NEGR1: variants seen among roughly 807,000 people sequenced by gnomAD.
NEGR1 encodes the protein IgLON family member 4.
In NEGR1, 10 loss-of-function variants were observed where a neutral mutation model predicts 40.9. The observed-to-expected ratio is 0.24, with a 90% CI of 0.15 to 0.42. The LOEUF is 0.42. Ranked by LOEUF, NEGR1 falls within the 10% of genes least tolerant of loss-of-function variation. NEGR1 has a pLI of 1.00. For missense variants in NEGR1, 352 were observed against 438.9 expected (o/e 0.80, Z 1.77); for synonymous variants, 185 against 166.8 (o/e 1.11, Z -0.84).
chr1:72,168,910 A>C (rs2100390269), intron 1 of NEGR1, among the ~76,000 whole-genome samples: 1 of 152,192 alleles, frequency 6.6e-6, no homozygotes, highest in Admixed American at 6.6e-5. Flanking sequence ...CAAAAGAGAG[A>C]AAACAAACAA....
At chr1:71,712,268 C>T (rs980867275) in intron 3 of NEGR1, among the ~76,000 whole-genome samples, 10 of 152,166 alleles carry the variant, frequency 6.6e-5, no homozygotes, top group African/African-American at 2.2e-4. Context: ...TGAGGATGTG[C>T]ATCACATAGA....
At chr1:72,144,548 GAC>G (rs796074603) in intron 1 of NEGR1, among the ~76,000 whole-genome samples, 23 of 149,516 alleles carry the variant, frequency 1.5e-4, no homozygotes, top group Admixed American at 4.0e-4. Flanking sequence ...TGATTAGAGA[GAC>G]ATATATTTTA....
chr1:71,870,551 T>C (rs1478003772), intron 2 of NEGR1, among the ~76,000 whole-genome samples: 1 of 152,188 alleles, frequency 6.6e-6, no homozygotes, highest in African/African-American at 2.4e-5. Context: ...TTACTTGCAC[T>C]ACAATTACAG....
chr1:71,832,263 T>C (rs994570341), intron 2 of NEGR1, among the ~76,000 whole-genome samples: 11 of 151,956 alleles, frequency 7.2e-5, no homozygotes, highest in African/African-American at 2.4e-4. Context: ...AGAATCAACA[T>C]AGCACTATGA....
At chr1:71,994,344 C>T (rs1046945249) in intron 1 of NEGR1, among the ~76,000 whole-genome samples, 8 of 151,912 alleles carry the variant, frequency 5.3e-5, no homozygotes, top group East Asian at 1.9e-4. Flanking sequence ...CTGGCTAACA[C>T]GGTGAAACCC....
At chr1:72,134,520 T>C (rs1650377615) in intron 1 of NEGR1, among the ~76,000 whole-genome samples, 1 of 151,436 alleles carries the variant, frequency 6.6e-6, no homozygotes, top group African/African-American at 2.4e-5. Flanking sequence ...TGGGGAAATA[T>C]GAAAAATTTA....
At chr1:72,070,151 G>C (rs1647402446) in intron 1 of NEGR1, among the ~76,000 whole-genome samples, 1 of 151,820 alleles carries the variant, frequency 6.6e-6, no homozygotes. Flanking sequence ...TTATATCACT[G>C]AATTATATAA....
At chr1:72,156,052 A>G (rs940650213) in intron 1 of NEGR1, among the ~76,000 whole-genome samples, 3 of 152,192 alleles carry the variant, frequency 2.0e-5, no homozygotes, top group South Asian at 2.1e-4. Flanking sequence ...GATCTAAGCC[A>G]TAACATTTGA....
chr1:71,696,909 T>A (rs1653492587), intron 4 of NEGR1, among the ~76,000 whole-genome samples: 1 of 151,872 alleles, frequency 6.6e-6, no homozygotes, highest in Non-Finnish European at 1.5e-5. Flanking sequence ...GCCTCCTGAC[T>A]TGGTATCATG....
intron 4 of NEGR1, among the ~76,000 whole-genome samples, chr1:71,625,658 G>A (rs1349457983): frequency 6.6e-6 from 1 of 151,358 alleles, no homozygotes; most frequent in Non-Finnish European, 1.5e-5. Context: ...TGATATTTAT[G>A]TGTTATTTTT....
rs1006967553 is a variant in NEGR1 at position 72,056,242 on chromosome 1, T to C, written c.177-120931A>G. Among the ~76,000 whole-genome samples the C allele has an allele frequency of 2.6e-4, 39 of 151,436 alleles. 1 individual carries two copies. The highest frequency in any genetic ancestry group is 5.9e-5 in the Non-Finnish European group (4 of 67,502). ...AAAATTTTCTTTTTATCTTGGTGTG[T>C]CTCACCCAGTTCAGGAGAGAGGCTT... On this transcript the variant is annotated intron_variant, in intron 1 of 6. Transcript: ENST00000357731.
chr1:72,239,265 A>G (rs887792120), intron 1 of NEGR1, among the ~76,000 whole-genome samples: 4 of 151,852 alleles, frequency 2.6e-5, no homozygotes, highest in African/African-American at 7.2e-5. Flanking sequence ...ATCCCTAAGT[A>G]TATCAAACTG....
At chr1:72,209,059 T>C (rs1653506513) in intron 1 of NEGR1, among the ~76,000 whole-genome samples, 1 of 151,722 alleles carries the variant, frequency 6.6e-6, no homozygotes, top group African/African-American at 2.4e-5. Context: ...ATGTAATTAT[T>C]TTGAAGTAAC....
intron 4 of NEGR1, among the ~76,000 whole-genome samples, chr1:71,655,104 G>T (rs919919156): frequency 1.3e-5 from 2 of 152,132 alleles, no homozygotes; most frequent in African/African-American, 4.8e-5. Flanking sequence ...ATTTAAAGAA[G>T]AACTTATTAA....
chr1:71,910,699 T>C (rs1661400765), intron 2 of NEGR1, among the ~76,000 whole-genome samples: 1 of 152,060 alleles, frequency 6.6e-6, no homozygotes, highest in Admixed American at 6.5e-5. Context: ...TAGGTTTTTG[T>C]TTTTGTTTTT....
intron 1 of NEGR1, among the ~76,000 whole-genome samples, chr1:72,258,027 G>A (rs1357009182): frequency 6.6e-6 from 1 of 152,094 alleles, no homozygotes. Flanking sequence ...ATTGCCAAAA[G>A]GATCACAGAT....
chr1:71,949,015 T>TG (rs1250398326), intron 1 of NEGR1, among the ~76,000 whole-genome samples: 1 of 152,028 alleles, frequency 6.6e-6, no homozygotes, highest in Non-Finnish European at 1.5e-5. Context: ...AACTGGAATC[T>TG]GGGGGAAATA....
chr1:71,638,809 C>T (rs1651251224), intron 4 of NEGR1, among the ~76,000 whole-genome samples: 1 of 151,844 alleles, frequency 6.6e-6, no homozygotes, highest in Non-Finnish European at 1.5e-5. Flanking sequence ...ACCCATGTGT[C>T]CGCAATGCAA....
At chr1:71,444,110 C>G (rs1231156232) in intron 6 of NEGR1, among the ~76,000 whole-genome samples, 1 of 152,130 alleles carries the variant, frequency 6.6e-6, no homozygotes, top group Non-Finnish European at 1.5e-5. Context: ...CATAGAGTAA[C>G]ATCTTTTTCT....
Sources: allele counts gnomAD v4.1 joint callset (sites outside exome capture counted in the v4.1 genomes callset), GRCh38; gene constraint gnomAD v4.1.1; transcripts MANE v1.5; gene names NCBI Gene and HGNC (gene_info 2026-07-23, HGNC 2026-07-21).